Variants in PLOD1 observed in about 807,000 individuals in gnomAD.
The protein encoded by PLOD1 is lysine hydroxylase.
Under a neutral mutation model 94.7 loss-of-function variants are expected in PLOD1, and 70 were observed. The ratio of observed to expected loss-of-function variants is 0.74; its 90% CI spans 0.61 to 0.90. The LOEUF is 0.90. Among genes scored for constraint, PLOD1 ranks in the 40% least tolerant of loss-of-function variants. The pLI, the probability that PLOD1 is intolerant of heterozygous loss-of-function variation, is 0.00. For missense variants in PLOD1, 905 were observed against 972.7 expected (o/e 0.93, Z 0.93); for synonymous variants, 417 against 400.2 (o/e 1.04, Z -0.50).
At chr1:11,965,360 G>A (rs1458281571) in intron 13 of PLOD1, 120 bp from the exon 14 acceptor site, 1 of 691,346 alleles carries the variant, frequency 1.4e-6, no homozygotes, top group African/African-American at 1.8e-5. Context: ...CTGATATTGG[G>A]AACTTCAGTT....
Position 11,963,552 on chromosome 1 carries a change from G to A in PLOD1, c.1118G>A (p.Arg373His). The change falls in exon 11 of 19, where the codon CGC becomes CAC. Residue 373 changes from arginine (R) to histidine (H), a missense_variant. Coordinates refer to ENST00000196061, the MANE Select transcript of PLOD1 (RefSeq NM_000302.4). This position sits in a 1 kb window ranked among gnomAD's most constrained non-coding sequence, Gnocchi z 4.3. ...NMGADLCRQD[R>H]SCTYYFSVDA... is the part of the protein sequence containing the mutation. Reference sequence around the variant, plus strand: ...TGCAGAGACCTGTGCCGGCAGGACCGCAGCTGCACCTACTACTTCAGCGTG... The same window carrying A: ...TGCAGAGACCTGTGCCGGCAGGACCACAGCTGCACCTACTACTTCAGCGTG... The A allele has an allele frequency of 1.2e-5, 19 of 1,601,438 alleles. No individual in the cohort carries two copies. Among genetic ancestry groups the A allele is most frequent in the Middle Eastern group, 1.7e-4 (1 of 6,050 alleles).
chr1:11,966,375 G>A, intron 15 of PLOD1, 59 bp downstream of exon 15: 1 of 1,277,668 alleles, frequency 7.8e-7, no homozygotes, highest in South Asian at 1.2e-5. Flanking sequence ...GCAGGGCACA[G>A]AAGGGAAACT....
In PLOD1 at chr1:11,965,471, C is replaced by G. The variant is rs376476977; in HGVS notation, c.1471-9C>G. On this transcript the variant is annotated splice_polypyrimidine_tract_variant and intron_variant, in intron 13 of 18. Coordinates refer to ENST00000196061, the MANE Select transcript of PLOD1 (RefSeq NM_000302.4). ...GGAGCGCCTCTTCCACCGGGCCTGT[C>G]CTCCCCAGGATGTGTTCATGTTCCT... 379 of 1,573,160 alleles carry G rather than the reference C, an allele frequency of 2.4e-4. No individual in the cohort carries two copies. The highest frequency in any genetic ancestry group is 6.3e-4 in the Admixed American group (38 of 59,972).
At chr1:11,968,180 C>CT (rs1000752381) in intron 16 of PLOD1, among the ~76,000 whole-genome samples, 1 of 152,182 alleles carries the variant, frequency 6.6e-6, no homozygotes, top group African/African-American at 2.4e-5. Flanking sequence ...TCTCAAACTC[C>CT]TGGCCTCAGG....
At position 11,957,955 on chromosome 1, in the gene PLOD1, C is replaced by T; in HGVS notation, c.843+12C>T. ...TCAAGGGCATTGGGGTGAGGCTGCG[C>T]CCAGGCCTGTGCCTGAGGGACACGG... is the stretch of plus-strand genomic sequence containing the variant. On this transcript the variant is annotated intron_variant, in intron 8 of 18. Coordinates refer to ENST00000196061, the MANE Select transcript of PLOD1 (RefSeq NM_000302.4). The surrounding 1 kb of genome is among the most constrained non-coding windows in gnomAD (Gnocchi z 4.1). 6.4e-7 allele frequency: 1 copy of T among 1,572,810 alleles called. No individual in the cohort carries two copies. The highest frequency in any genetic ancestry group is 8.8e-7 in the Non-Finnish European group (1 of 1,142,546).
At chr1:11,964,813 G>C (rs372512875) in intron 13 of PLOD1, 28 bp downstream of exon 13, 4 of 1,612,408 alleles carry the variant, frequency 2.5e-6, no homozygotes, top group Non-Finnish European at 3.4e-6. Context: ...AGCACAGGAC[G>C]CCCTCTGGAT....
intron 1 of PLOD1, among the ~76,000 whole-genome samples, chr1:11,937,769 G>A (rs1402685406): frequency 6.6e-6 from 1 of 152,122 alleles, no homozygotes; most frequent in African/African-American, 2.4e-5. Flanking sequence ...GTGTGCTACT[G>A]AGGTAACCCA....
At chr1:11,959,762 C>T (rs1367667506) in intron 9 of PLOD1, among the ~76,000 whole-genome samples, 1 of 150,612 alleles carries the variant, frequency 6.6e-6, no homozygotes, top group Admixed American at 6.6e-5. Context: ...GGATTACAGG[C>T]GCCTGCCACC....
chr1:11,957,978 C>T lies in PLOD1; in HGVS notation c.843+35C>T, dbSNP rs528664570. The T allele has an allele frequency of 6.6e-5, 89 of 1,351,496 alleles. 3 individuals are homozygous for T. In the South Asian group the frequency reaches 7.5e-4, roughly 11 times the overall value. The allele number at this position is 1,351,496 out of a possible 1,614,324, so 83.7% of individuals were successfully genotyped here. On this transcript the variant is annotated intron_variant, in intron 8 of 18. Coordinates refer to ENST00000196061, the MANE Select transcript of PLOD1 (RefSeq NM_000302.4). The surrounding 1 kb of genome is among the most constrained non-coding windows in gnomAD (Gnocchi z 4.1). The stretch of plus-strand genomic sequence containing the variant: ...CGCCCAGGCCTGTGCCTGAGGGACA[C>T]GGGGGGCTCAGTCCCCTGAGATGGC...
chr1:11,952,642 C>A lies in PLOD1; in HGVS notation c.486C>A (p.Pro162=), dbSNP rs1210884144. 6.2e-7 allele frequency: 1 copy of A among 1,614,044 alleles called. No individual in the cohort carries two copies. Among genetic ancestry groups the A allele is most frequent in the South Asian group, 1.1e-5 (1 of 91,076 alleles). The part of the protein sequence containing the change: ...LGSGGFIGYA[P]NLSKLVAEWE... ...CTTCAGGCTTCATCGGTTATGCCCC[C>A]AACCTCAGCAAACTGGTGGCCGAGT... Residue 162 remains proline (P), a synonymous_variant, in exon 5 of 19, where the codon CCC becomes CCA. Coordinates refer to ENST00000196061, the MANE Select transcript of PLOD1 (RefSeq NM_000302.4).
Position 11,957,262 on chromosome 1 carries a change from T to C in PLOD1, c.741+248T>C. On this transcript the variant is annotated intron_variant, in intron 7 of 18. Coordinates refer to ENST00000196061, the MANE Select transcript of PLOD1 (RefSeq NM_000302.4). The surrounding 1 kb of genome is among the most constrained non-coding windows in gnomAD (Gnocchi z 4.1). ...GGAGGCTGCCATCCCCTTCCAGGCC[T>C]AGGCTGGGCTACCAGAGCCATCTGC... 1 of 702,350 alleles carries C rather than the reference T, an allele frequency of 1.4e-6. No homozygotes were observed. The highest frequency in any genetic ancestry group is 2.7e-6 in the Non-Finnish European group (1 of 372,712). 43.5% of individuals were successfully genotyped at this position (702,350 alleles called of 1,614,324 possible).
intron 12 of PLOD1, 27 bp downstream of exon 12, chr1:11,964,327 T>TGGGGGGGGGGGGGGGGGG: frequency 1.8e-6 from 1 of 546,342 alleles, no homozygotes; most frequent in Non-Finnish European, 3.2e-6. Flanking sequence ...TGGGGGTGGG[T>TGGGGGGGGGGGGGGGGGG]GGGGGACACC....
In PLOD1 at chr1:11,941,774, G is replaced by A. The variant is rs144106842; in HGVS notation, c.77-6202G>A. Among the ~76,000 whole-genome samples the A allele has an allele frequency of 6.4e-3, 967 of 152,190 alleles. 14 individuals are homozygous for A. Among genetic ancestry groups the A allele is most frequent in the African/African-American group, 0.021 (880 of 41,502 alleles). On this transcript the variant is annotated intron_variant, in intron 1 of 18. Transcript: ENST00000196061. ...GCTAGGATAACAGGCGTGAGCCACCGCGCCCGGACTAGTAGCTGGGATTAC... is the reference window on the plus strand; with the variant it reads ...GCTAGGATAACAGGCGTGAGCCACCACGCCCGGACTAGTAGCTGGGATTAC...
chr1:11,954,940 G>A, intron 6 of PLOD1, 47 bp downstream of exon 6: 1 of 1,442,132 alleles, frequency 6.9e-7, no homozygotes, highest in Non-Finnish European at 9.8e-7. Flanking sequence ...GGGGTGATAG[G>A]AAGAATTCCA....
At chr1:11,956,866 G>T in intron 6 of PLOD1, 51 bp from the exon 7 acceptor site, 1 of 1,283,416 alleles carries the variant, frequency 7.8e-7, no homozygotes, top group Non-Finnish European at 1.1e-6. Context: ...TGGACCCTGA[G>T]CCTGACCTCT....
At chr1:11,943,703 G>A (rs1645630121) in intron 1 of PLOD1, among the ~76,000 whole-genome samples, 1 of 152,162 alleles carries the variant, frequency 6.6e-6, no homozygotes, top group Non-Finnish European at 1.5e-5. Context: ...TGTGGGGAGG[G>A]CACAGCTAGA....
chr1:11,972,244 CTT>C lies in PLOD1; in HGVS notation c.1903-626_1903-625del, dbSNP rs1645871223. The C allele has an allele frequency of 1.3e-5, 2 of 149,146 alleles. No homozygotes were observed. Among genetic ancestry groups the C allele is most frequent in the African/African-American group, 5.1e-5 (2 of 38,942 alleles). The allele number at this position is 149,146 out of a possible 1,614,324, so 9.2% of individuals were successfully genotyped here. ...TCTCTCTCTCTTTCTTTCTCTCTCT[CTT>C]TCTCTTTCTCTGTCTCTTTTTCTTT... On this transcript the variant is annotated intron_variant, in intron 17 of 18. Coordinates refer to ENST00000196061, the MANE Select transcript of PLOD1 (RefSeq NM_000302.4). This position sits in a 1 kb window ranked among gnomAD's most constrained non-coding sequence, Gnocchi z 4.6.
At chr1:11,939,032 C>T (rs1335142005) in intron 1 of PLOD1, among the ~76,000 whole-genome samples, 1 of 152,206 alleles carries the variant, frequency 6.6e-6, no homozygotes, top group Non-Finnish European at 1.5e-5. Flanking sequence ...CACAGCCCTT[C>T]CTCCCGTTTG....
chr1:11,964,275 G>A lies in PLOD1; in HGVS notation c.1303G>A (p.Val435Met), dbSNP rs752708558. The change falls in exon 12 of 19, where the codon GTG (valine) becomes ATG (methionine). Residue 435 changes from valine to methionine, a missense_variant. Val to Met is a conservative substitution (Grantham distance 21, BLOSUM62 1). Transcript: ENST00000196061. ...DGYYARSEDY[V>M]DIVQGRRVGV... ...CTACTATGCCCGTTCCGAGGACTACGTGGACATTGTGCAGGGGCGGCGTGT... is the reference window on the plus strand; with the variant it reads ...CTACTATGCCCGTTCCGAGGACTACATGGACATTGTGCAGGGGCGGCGTGT... 36 of 1,594,772 alleles carry A rather than the reference G, an allele frequency of 2.3e-5. No homozygotes were observed. In the African/African-American group the frequency reaches 3.2e-4, roughly 14 times the overall value.
Sources: allele counts gnomAD v4.1 joint callset (sites outside exome capture counted in the v4.1 genomes callset), GRCh38; gene constraint gnomAD v4.1.1; non-coding constraint Gnocchi (gnomAD v3.1); transcripts MANE v1.5; gene names NCBI Gene and HGNC (gene_info 2026-07-23, HGNC 2026-07-21).